The following ACTL6A variants were observed in gnomAD, a reference collection of about 807,000 sequenced individuals.
ACTL6A encodes actin like 6A.
Under a neutral mutation model 59.2 loss-of-function variants are expected in ACTL6A, and 5 were observed. That is an observed-to-expected ratio of 0.08 (90% CI 0.04 to 0.18). The LOEUF is 0.18. ACTL6A is among the 10% of genes least tolerant of loss of function. The pLI is 1.00. For missense variants in ACTL6A, 285 were observed against 526.9 expected (o/e 0.54, Z 4.49); for synonymous variants, 154 against 171.8 (o/e 0.90, Z 0.81).
chr3:179,576,990 G>A lies in ACTL6A; in HGVS notation c.768+77G>A, dbSNP rs563585257. The A allele has an allele frequency of 6.3e-6, 7 of 1,111,570 alleles. No individual in the cohort carries two copies. In the African/African-American group the frequency reaches 7.9e-5, roughly 13 times the overall value. 68.9% of individuals were successfully genotyped at this position (1,111,570 alleles called of 1,614,324 possible). On this transcript the variant is annotated intron_variant, in intron 8 of 13. Transcript: ENST00000429709. ...TATTAAAAAAAGTTATATATAGGCT[G>A]TAAATCCTTGAGTAAAATATGGGCA...
chr3:179,586,584 G>C lies in ACTL6A; in HGVS notation c.1161G>C (p.Val387=), dbSNP rs778555913. 7 of 1,599,824 alleles carry C rather than the reference G, an allele frequency of 4.4e-6. No homozygotes were observed. In the Admixed American group the frequency reaches 1.1e-4, roughly 24 times the overall value. Residue 387 remains valine (V), a synonymous_variant, in exon 13 of 14, where the codon GTG becomes GTC. Transcript: ENST00000429709. Reference sequence around the variant, plus strand: ...AATTGATTGCAAATAATACAACAGTGGAACGGAGGTTTAGCTCATGGATTG... The same window carrying C: ...AATTGATTGCAAATAATACAACAGTCGAACGGAGGTTTAGCTCATGGATTG... The part of the protein sequence containing the change: ...RLKLIANNTT[V]ERRFSSWIGG...
Position 179,570,401 on chromosome 3 carries a change from C to T in ACTL6A, c.277+160C>T. The T allele has an allele frequency of 1.6e-6, 1 of 628,570 alleles. No homozygotes were observed. The highest frequency in any genetic ancestry group is 2.6e-6 in the Non-Finnish European group (1 of 386,160). The allele number at this position is 628,570 out of a possible 1,614,324, so 38.9% of individuals were successfully genotyped here. On this transcript the variant is annotated intron_variant, in intron 3 of 13. Transcript: ENST00000429709. This position sits in a 1 kb window ranked among gnomAD's most constrained non-coding sequence, Gnocchi z 4.3. Reference sequence around the variant, plus strand: ...TCCAGACACTGAGAATACAAAGATGCATAAGAAATGTTCCTTTTCATTAAA... The same window carrying T: ...TCCAGACACTGAGAATACAAAGATGTATAAGAAATGTTCCTTTTCATTAAA...
chr3:179,566,297 G>A (rs920127234), intron 1 of ACTL6A, among the ~76,000 whole-genome samples: 4 of 152,184 alleles, frequency 2.6e-5, no homozygotes, highest in Admixed American at 6.5e-5. Context: ...TGAAGCTATA[G>A]GAGTAGAATA....
In ACTL6A at chr3:179,569,753, C is replaced by T. The variant is rs535634359; in HGVS notation, c.26-71C>T. 1.9e-4 allele frequency: 249 copies of T among 1,307,318 alleles called. No homozygotes were observed. In the African/African-American group the frequency reaches 3.3e-3, roughly 18 times the overall value. 81.0% of individuals were successfully genotyped at this position (1,307,318 alleles called of 1,614,324 possible). A position where few individuals can be genotyped will look rare whatever the true frequency, so the allele number is the denominator to read the frequency against. ...ATTGCTTGAGCCTAGGAGGTTGAGGCTGCAGTGAGCTGTGATTTTCATATG... is the reference window on the plus strand; with the variant it reads ...ATTGCTTGAGCCTAGGAGGTTGAGGTTGCAGTGAGCTGTGATTTTCATATG... On this transcript the variant is annotated intron_variant, in intron 1 of 13. Transcript: ENST00000429709.
chr3:179,583,322 C>A, intron 11 of ACTL6A, 31 bp from the exon 12 acceptor site: 2 of 1,526,446 alleles, frequency 1.3e-6, no homozygotes, highest in Non-Finnish European at 9.0e-7. Flanking sequence ...ACATATGGAA[C>A]TAATTGATTT....
At chr3:179,569,230 T>A (rs1717928602) in intron 1 of ACTL6A, among the ~76,000 whole-genome samples, 3 of 152,156 alleles carry the variant, frequency 2.0e-5, no homozygotes, top group Admixed American at 2.0e-4. Flanking sequence ...CAGGTAGCCC[T>A]CCCCATACAA....
chr3:179,563,599 C>G (rs1429776401), intron 1 of ACTL6A, among the ~76,000 whole-genome samples: 9 of 152,198 alleles, frequency 5.9e-5, no homozygotes, highest in Non-Finnish European at 1.3e-4. Flanking sequence ...GCAAAGCGAG[C>G]CTCAAGCCGT....
chr3:179,586,466 T>TAAAA (rs770346368), intron 12 of ACTL6A, 80 bp from the exon 13 acceptor site: 25 of 678,824 alleles, frequency 3.7e-5, no homozygotes, highest in South Asian at 7.7e-5. Flanking sequence ...TGTCTCTATT[T>TAAAA]GAAAAAAAAA....
chr3:179,571,874 G>A (rs1718018883), intron 3 of ACTL6A, among the ~76,000 whole-genome samples: 2 of 146,016 alleles, frequency 1.4e-5, no homozygotes, highest in South Asian at 4.5e-4. Context: ...TTACCATTTA[G>A]GGACAAGTTT....
chr3:179,579,893 G>A lies in ACTL6A; in HGVS notation c.769-747G>A, dbSNP rs144225982. On this transcript the variant is annotated intron_variant, in intron 8 of 13. Transcript: ENST00000429709. Reference sequence around the variant, plus strand: ...AAACACCTGGGCTCCCCCTGCCTCAGCCTCCTCAGTAGGGAGGACTACAGG... The same window carrying A: ...AAACACCTGGGCTCCCCCTGCCTCAACCTCCTCAGTAGGGAGGACTACAGG... Among the ~76,000 whole-genome samples the A allele has an allele frequency of 2.7e-3, 414 of 152,322 alleles. 2 individuals are homozygous for A. The highest frequency in any genetic ancestry group is 9.5e-3 in the African/African-American group (395 of 41,568).
chr3:179,570,348 G>C lies in ACTL6A; in HGVS notation c.277+107G>C. ...AACATCAACCATGGTTTTTTGTTTT[G>C]TTTTGTTTTTTATTCCACAAACTGA... On this transcript the variant is annotated intron_variant, in intron 3 of 13. Coordinates refer to ENST00000429709, the MANE Select transcript of ACTL6A (RefSeq NM_004301.5). This position sits in a 1 kb window ranked among gnomAD's most constrained non-coding sequence, Gnocchi z 4.3. The C allele has an allele frequency of 1.8e-6, 2 of 1,097,326 alleles. No homozygotes were observed. The highest frequency in any genetic ancestry group is 4.1e-5 in the South Asian group (2 of 48,476). 68.0% of individuals were successfully genotyped at this position (1,097,326 alleles called of 1,614,324 possible).
At chr3:179,564,885 CT>C (rs550795606) in intron 1 of ACTL6A, among the ~76,000 whole-genome samples, 760 of 129,406 alleles carry the variant, frequency 5.9e-3, no homozygotes, top group African/African-American at 6.4e-3. Context: ...TGGAATATGT[CT>C]TTTTTTTTTT....
chr3:179,579,117 T>C (rs957852049), intron 8 of ACTL6A, among the ~76,000 whole-genome samples: 1 of 152,214 alleles, frequency 6.6e-6, no homozygotes, highest in Non-Finnish European at 1.5e-5. Context: ...GGGGTTTTGA[T>C]TTTCATTTAT....
intron 5 of ACTL6A, chr3:179,575,542 AAGCACCAGACTT>A: frequency 2.3e-6 from 1 of 431,876 alleles, no homozygotes; most frequent in Non-Finnish European, 4.6e-6. Context: ...CCTCCTTATT[AAGCACCAGACTT>A]AGTAGACACC....
chr3:179,571,394 C>T (rs920799122), intron 3 of ACTL6A, among the ~76,000 whole-genome samples: 2 of 149,866 alleles, frequency 1.3e-5, no homozygotes, highest in African/African-American at 5.0e-5. Context: ...ACACACCAAC[C>T]TGGGTGACAG....
chr3:179,572,336 C>T (rs766279983), intron 3 of ACTL6A, among the ~76,000 whole-genome samples: 19 of 151,626 alleles, frequency 1.3e-4, no homozygotes, highest in Non-Finnish European at 2.5e-4. Flanking sequence ...GAAAGCTTTA[C>T]ACTAAGAAAG....
intron 8 of ACTL6A, among the ~76,000 whole-genome samples, chr3:179,579,453 T>TACACACAC (rs1477872220): frequency 3.8e-4 from 21 of 55,224 alleles, no homozygotes; most frequent in African/African-American, 1.5e-3. Context: ...ATTTATATCA[T>TACACACAC]ATACACACAC....
intron 1 of ACTL6A, among the ~76,000 whole-genome samples, chr3:179,563,833 T>G (rs906453594): frequency 5.3e-5 from 8 of 152,138 alleles, no homozygotes; most frequent in African/African-American, 1.9e-4. Flanking sequence ...TTTTTTCACT[T>G]TCTTTGATTA....
Position 179,578,752 on chromosome 3 carries a change from T to A in ACTL6A, c.768+1839T>A, listed in dbSNP as rs559401735. ...ACGTTCGCTTTTCTCTGCAGCCGTG[T>A]CAGCAGCATCTGTTATTTATTTAAT... On this transcript the variant is annotated intron_variant, in intron 8 of 13. Coordinates refer to ENST00000429709, the MANE Select transcript of ACTL6A (RefSeq NM_004301.5). Among the ~76,000 whole-genome samples, 49 of 152,342 alleles carry A rather than the reference T, an allele frequency of 3.2e-4. No individual in the cohort carries two copies. The South Asian group carries it at 8.9e-3, about 28-fold the overall frequency.
Sources: allele counts gnomAD v4.1 joint callset (sites outside exome capture counted in the v4.1 genomes callset), GRCh38; gene constraint gnomAD v4.1.1; non-coding constraint Gnocchi (gnomAD v3.1); transcripts MANE v1.5; gene names NCBI Gene and HGNC (gene_info 2026-07-23, HGNC 2026-07-21).